Variants in TOP2A observed in about 807,000 individuals in gnomAD.
TOP2A encodes DNA topoisomerase II alpha.
Under a neutral mutation model 187.2 loss-of-function variants are expected in TOP2A, and 68 were observed. That is an observed-to-expected ratio of 0.36 (90% confidence interval 0.30 to 0.44). TOP2A has a LOEUF of 0.44. Ranked by LOEUF, TOP2A falls within the 20% of genes least tolerant of loss-of-function variation. TOP2A has a pLI of 1.00. For synonymous variants in TOP2A, 542 were observed against 593.2 expected (o/e 0.91, Z 1.25); for missense variants, 1,196 against 1,808.7 (o/e 0.66, Z 6.14).
intron 12 of TOP2A, 73 bp downstream of exon 12, chr17:40,407,894 G>A (rs1363476737): frequency 3.5e-6 from 5 of 1,427,232 alleles, no homozygotes; most frequent in African/African-American, 1.4e-5. Context: ...TGCCTAATGA[G>A]GGAATTAAAT....
At position 40,404,197 on chromosome 17, in the gene TOP2A, T is replaced by C. The variant is rs754251319; in HGVS notation, c.2238A>G (p.Gln746=). 67 of 1,613,774 alleles carry C rather than the reference T, an allele frequency of 4.2e-5. No individual in the cohort carries two copies. The highest frequency in any genetic ancestry group is 3.4e-4 in the South Asian group (31 of 91,088). ...RNDKREVKVA[Q]LAGSVAEMSS... ...ACATTTCAGCCACTGATCCAGCTAA[T>C]TGGGCAACCTTTACTTCTCGCTTGT... Residue 746 remains glutamine (Q), a synonymous_variant, in exon 19 of 35, where the codon CAA becomes CAG. Transcript: ENST00000423485.
chr17:40,393,399 G>T (rs1179602063), intron 29 of TOP2A, among the ~76,000 whole-genome samples: 2 of 152,096 alleles, frequency 1.3e-5, no homozygotes, highest in African/African-American at 4.8e-5. Context: ...AGCTAGTCAT[G>T]GTGGCGAGTG....
Position 40,400,341 on chromosome 17 carries a change from G to A in TOP2A, c.2868C>T (p.Asp956=), listed in dbSNP as rs548582561. The part of the protein sequence containing the change: ...GTEKTPPLIT[D]YREYHTDTTV... ...TGGTATCTGTATGGTATTCCCTATA[G>A]TCTGTTATGAGAGGAGGTGTCTTCT... Residue 956 remains aspartate, a synonymous_variant, in exon 23 of 35, where the codon GAC becomes GAT. Transcript: ENST00000423485. The A allele has an allele frequency of 1.2e-6, 2 of 1,613,474 alleles. No homozygotes were observed. Among genetic ancestry groups the A allele is most frequent in the African/African-American group, 2.7e-5 (2 of 74,924 alleles).
chr17:40,405,620 AATTTTTT>A (rs1409983169), intron 16 of TOP2A, among the ~76,000 whole-genome samples: 5 of 151,390 alleles, frequency 3.3e-5, no homozygotes, highest in African/African-American at 7.3e-5. Context: ...AAGCCCGGCT[AATTTTTT>A]ATTTTTTATT....
chr17:40,415,549 GCAT>G lies in TOP2A; in HGVS notation c.332+453_332+455del, dbSNP rs1336769107. Among the ~76,000 whole-genome samples the G allele has an allele frequency of 2.6e-5, 4 of 152,306 alleles. 1 individual carries two copies. The South Asian group carries it at 8.3e-4, about 32-fold the overall frequency. The stretch of plus-strand genomic sequence containing the variant: ...CACCTACTGGTTTACTGTTTGAATA[GCAT>G]CATGAGAAAAAGTTAAAACTCCAGA... On this transcript the variant is annotated intron_variant, in intron 4 of 34. Coordinates refer to ENST00000423485, the MANE Select transcript of TOP2A (RefSeq NM_001067.4).
Position 40,404,151 on chromosome 17 carries a change from C to T in TOP2A, c.2283+1G>A, listed in dbSNP as rs1418488682. On this transcript the variant is annotated splice_donor_variant, in intron 19 of 34. Coordinates refer to ENST00000423485, the MANE Select transcript of TOP2A (RefSeq NM_001067.4). LOFTEE classifies it high-confidence loss of function. ...TCTGGAAACATGGATTGTGTGTTTA[C>T]CTCACCATGATGATAAGAAGACATT... The T allele has an allele frequency of 6.2e-7, 1 of 1,613,020 alleles. No homozygotes were observed. Among genetic ancestry groups the T allele is most frequent in the Non-Finnish European group, 8.5e-7 (1 of 1,179,648 alleles).
At chr17:40,391,430 T>TA in intron 33 of TOP2A, 76 bp downstream of exon 33, 2 of 1,412,786 alleles carry the variant, frequency 1.4e-6, no homozygotes, top group East Asian at 2.4e-5. Flanking sequence ...GTTTTGGCAA[T>TA]AAAAAAATTG....
chr17:40,397,355 G>A (rs1040617611), intron 27 of TOP2A, among the ~76,000 whole-genome samples: 2 of 149,878 alleles, frequency 1.3e-5, no homozygotes, highest in African/African-American at 2.5e-5. Flanking sequence ...GCGCAATCTC[G>A]GCTCACTGCA....
Position 40,403,071 on chromosome 17 carries a change from A to T in TOP2A, c.2284-17T>A, listed in dbSNP as rs781197486. ...TAGTGACATCTGTGGGGAAAAAAAG[A>T]TTCATTAAGCTGAGGCTTTTACTAA... On this transcript the variant is annotated splice_polypyrimidine_tract_variant and intron_variant, in intron 19 of 34. Coordinates refer to ENST00000423485, the MANE Select transcript of TOP2A (RefSeq NM_001067.4). 1.3e-6 allele frequency: 2 copies of T among 1,582,002 alleles called. No individual in the cohort carries two copies. Among genetic ancestry groups the T allele is most frequent in the Non-Finnish European group, 1.7e-6 (2 of 1,161,504 alleles).
chr17:40,400,663 G>A lies in TOP2A; in HGVS notation c.2665C>T (p.Leu889Phe). The A allele has an allele frequency of 6.3e-7, 1 of 1,588,374 alleles. No homozygotes were observed. The highest frequency in any genetic ancestry group is 1.4e-5 in the African/African-American group (1 of 73,674). ...CCCTTGAAGTTCTTGTAACTTGGAA[G>A]CTAAATTGGCATTTAAAAAAACAGT... The part of the protein sequence containing the change: ...LMDGEEPLPM[L>F]PSYKNFKGTI... The change falls in exon 22 of 35, where the codon CTT (leucine) becomes TTT (phenylalanine). Residue 889 changes from leucine (L) to phenylalanine (F), a missense_variant and splice_region_variant. Around this residue, in one of 10 missense-constraint regions of TOP2A, gnomAD observed 232 missense variants for 306.1 expected, o/e 0.76. Coordinates refer to ENST00000423485, the MANE Select transcript of TOP2A (RefSeq NM_001067.4).
In TOP2A at chr17:40,400,905, C is replaced by G; in HGVS notation, c.2609G>C (p.Arg870Pro). ...WSCKIPNFDVREIVNNIRRLM... is the reference protein window; with the variant it reads ...WSCKIPNFDVPEIVNNIRRLM... The stretch of plus-strand genomic sequence containing the variant: ...ACGCCTGATGTTATTTACAATTTCA[C>G]GCACATCAAAGTTGGGGATTTTGCA... The change falls in exon 21 of 35, where the codon CGT (arginine) becomes CCT (proline). Residue 870 changes from arginine (R) to proline (P), a missense_variant. By Grantham distance (103) the Arg-to-Pro change is moderately radical (BLOSUM62 -2). Around this residue, in one of 10 missense-constraint regions of TOP2A, gnomAD observed 232 missense variants for 306.1 expected, o/e 0.76. Transcript: ENST00000423485. The G allele has an allele frequency of 6.2e-7, 1 of 1,613,968 alleles. No homozygotes were observed. The highest frequency in any genetic ancestry group is 8.5e-7 in the Non-Finnish European group (1 of 1,179,880).
In TOP2A at chr17:40,397,778, A is replaced by T. The variant is rs1156378435; in HGVS notation, c.3537+780T>A. On this transcript the variant is annotated intron_variant, in intron 27 of 34. Coordinates refer to ENST00000423485, the MANE Select transcript of TOP2A (RefSeq NM_001067.4). ...TATCATTTACTGTATTCTAAATAGTATTTTTTTTTTTTTTTTTGAGACGGA... is the reference window on the plus strand; with the variant it reads ...TATCATTTACTGTATTCTAAATAGTTTTTTTTTTTTTTTTTTTGAGACGGA... Among the ~76,000 whole-genome samples the T allele has an allele frequency of 5.3e-3, 719 of 136,616 alleles. 7 individuals carry two copies. The highest frequency in any genetic ancestry group is 0.017 in the African/African-American group (642 of 37,212). The allele number at this position is 136,616 out of a possible 152,430, so 89.6% of individuals were successfully genotyped here. A position where few individuals can be genotyped will look rare whatever the true frequency, so the allele number is the denominator to read the frequency against.
At chr17:40,404,684 C>A (rs1302943155) in intron 17 of TOP2A, 107 bp downstream of exon 17, 1 of 838,908 alleles carries the variant, frequency 1.2e-6, no homozygotes, top group African/African-American at 1.7e-5. Context: ...TCTATCATAT[C>A]AAATTTTTTA....
intron 16 of TOP2A, among the ~76,000 whole-genome samples, chr17:40,405,644 T>A (rs910207754): frequency 2.0e-5 from 3 of 152,020 alleles, no homozygotes; most frequent in African/African-American, 4.8e-5. Flanking sequence ...TATTTTTTTT[T>A]ATTTTTAGTA....
chr17:40,410,241 C>T (rs2035306000), intron 10 of TOP2A, among the ~76,000 whole-genome samples: 1 of 152,046 alleles, frequency 6.6e-6, no homozygotes, highest in Non-Finnish European at 1.5e-5. Flanking sequence ...AGGACAAGAC[C>T]TAAAGTAGCC....
intron 19 of TOP2A, 56 bp from the exon 20 acceptor site, chr17:40,403,110 T>G (rs1183274657): frequency 6.7e-7 from 1 of 1,483,704 alleles, no homozygotes; most frequent in Non-Finnish European, 9.2e-7. Flanking sequence ...AAATACATTA[T>G]GACTTAACCT....
chr17:40,406,339 T>C (rs772829041), intron 16 of TOP2A, 45 bp downstream of exon 16: 1 of 1,412,644 alleles, frequency 7.1e-7, no homozygotes, highest in South Asian at 1.3e-5. Context: ...GCTAAAGTAG[T>C]GATTTCTAAA....
Position 40,395,520 on chromosome 17 carries a change from C to T in TOP2A, c.3740G>A (p.Ser1247Asn), listed in dbSNP as rs1406826612. Residue 1247 changes from serine to asparagine, a missense_variant, in exon 29 of 35, where the codon AGC becomes AAC. By Grantham distance (46) the Ser-to-Asn change is conservative. Around this residue, in one of 10 missense-constraint regions of TOP2A, gnomAD observed 374 missense variants for 403.3 expected, o/e 0.93. Transcript: ENST00000423485. The stretch of plus-strand genomic sequence containing the variant: ...TAGTTCCACACCATCTTCTTGAGGG[C>T]TTCCTTCAGTATTTTCATTCTAAAA... ...KKIKNENTEGSPQEDGVELEG... is the reference protein window; with the variant it reads ...KKIKNENTEGNPQEDGVELEG... 3 of 1,610,370 alleles carry T rather than the reference C, an allele frequency of 1.9e-6. No individual in the cohort carries two copies. The South Asian group carries it at 3.3e-5, about 18-fold the overall frequency.
In TOP2A at chr17:40,412,831, C is replaced by T; in HGVS notation, c.717G>A (p.Met239Ile). The part of the protein sequence containing the change: ...QSLDKDIVAL[M>I]VRRAYDIAGS... Reference sequence around the variant, plus strand: ...CAGCAATATCATATGCTCTTCTGACCATTAGTGCAACAATATCTTTGTCCA... The same window carrying T: ...CAGCAATATCATATGCTCTTCTGACTATTAGTGCAACAATATCTTTGTCCA... The change falls in exon 7 of 35, where the codon ATG becomes ATA. Residue 239 changes from methionine to isoleucine, a missense_variant. Met to Ile is a conservative substitution (Grantham distance 10). Coordinates refer to ENST00000423485, the MANE Select transcript of TOP2A (RefSeq NM_001067.4). 1 of 1,613,964 alleles carries T rather than the reference C, an allele frequency of 6.2e-7. No homozygotes were observed. Among genetic ancestry groups the T allele is most frequent in the South Asian group, 1.1e-5 (1 of 91,082 alleles).
Sources: allele counts gnomAD v4.1 joint callset (sites outside exome capture counted in the v4.1 genomes callset), GRCh38; gene constraint gnomAD v4.1.1; regional missense constraint gnomAD v4.1.1; transcripts MANE v1.5; gene names NCBI Gene and HGNC (gene_info 2026-07-23, HGNC 2026-07-21).